MYRIP: variants seen among roughly 807,000 people sequenced by gnomAD.
MYRIP encodes rab effector MyRIP.
In MYRIP, 49 loss-of-function variants were observed where a neutral mutation model predicts 98.0. The ratio of observed to expected loss-of-function variants is 0.50; its 90% confidence interval spans 0.40 to 0.63. The LOEUF (loss-of-function observed/expected upper bound fraction) is 0.63. Among genes scored for constraint, MYRIP ranks in the 30% least tolerant of loss-of-function variants. The pLI is 0.00. For synonymous variants in MYRIP, 404 were observed against 409.5 expected (o/e 0.99, Z 0.16); for missense variants, 1,004 against 1,058.2 (o/e 0.95, Z 0.71).
intron 3 of MYRIP, among the ~76,000 whole-genome samples, chr3:40,082,348 C>T (rs996948000): frequency 2.2e-4 from 34 of 152,306 alleles, no homozygotes; most frequent in African/African-American, 7.7e-4. Context: ...ATCAGCCTGG[C>T]ATTTATGAAC....
At chr3:39,912,348 G>A (rs1001855664) in intron 2 of MYRIP, among the ~76,000 whole-genome samples, 7 of 152,108 alleles carry the variant, frequency 4.6e-5, no homozygotes, top group African/African-American at 7.2e-5. Flanking sequence ...AGAATAATAC[G>A]AAAACAGAAG....
chr3:39,988,547 A>G (rs1272134860), intron 2 of MYRIP, among the ~76,000 whole-genome samples: 1 of 151,934 alleles, frequency 6.6e-6, no homozygotes, highest in African/African-American at 2.4e-5. Flanking sequence ...CTGAATTTGA[A>G]TGTTGCCCTG....
intron 2 of MYRIP, among the ~76,000 whole-genome samples, chr3:39,904,233 CT>C (rs978946813): frequency 5.3e-5 from 8 of 151,914 alleles, no homozygotes. Context: ...AAGTGTTTTT[CT>C]TTGTTTGTTG....
intron 2 of MYRIP, among the ~76,000 whole-genome samples, chr3:39,917,473 TAA>T (rs879437018): frequency 4.7e-5 from 2 of 42,504 alleles, no homozygotes; most frequent in African/African-American, 1.2e-4. Context: ...ATAGGAAAAT[TAA>T]AAAAAAAAAA....
intron 1 of MYRIP, among the ~76,000 whole-genome samples, chr3:39,863,527 A>C (rs1942530725): frequency 6.6e-6 from 1 of 152,106 alleles, no homozygotes; most frequent in Non-Finnish European, 1.5e-5. Flanking sequence ...GGCTACTATG[A>C]ACACTTACTT....
intron 3 of MYRIP, among the ~76,000 whole-genome samples, chr3:40,148,996 C>T (rs992773375): frequency 6.6e-6 from 1 of 152,200 alleles, no homozygotes; most frequent in Non-Finnish European, 1.5e-5. Context: ...CCTTGGTGTA[C>T]GTGTATGATA....
chr3:39,956,424 G>A (rs528272347), intron 2 of MYRIP, among the ~76,000 whole-genome samples: 1 of 152,258 alleles, frequency 6.6e-6, no homozygotes, highest in East Asian at 1.9e-4. Context: ...GCTCCTGAAT[G>A]ACTAATGGGT....
chr3:40,085,748 A>C (rs1948612838), intron 3 of MYRIP, among the ~76,000 whole-genome samples: 1 of 152,204 alleles, frequency 6.6e-6, no homozygotes, highest in Non-Finnish European at 1.5e-5. Context: ...AGAAGAAAGG[A>C]AGGAAGGAAG....
intron 2 of MYRIP, among the ~76,000 whole-genome samples, chr3:39,915,879 T>C (rs1039554891): frequency 2.6e-5 from 4 of 151,932 alleles, no homozygotes; most frequent in Non-Finnish European, 1.5e-5. Flanking sequence ...CTTTTATAAG[T>C]TCCCATTAAA....
chr3:40,248,057 A>G (rs559066608), intron 13 of MYRIP: 2 of 152,352 alleles, frequency 1.3e-5, no homozygotes, highest in South Asian at 4.1e-4. Context: ...GTCTGTTCTC[A>G]CCCAAAGTCT....
intron 3 of MYRIP, among the ~76,000 whole-genome samples, chr3:40,077,721 T>G (rs927439556): frequency 2.0e-5 from 3 of 152,240 alleles, no homozygotes; most frequent in Non-Finnish European, 4.4e-5. Flanking sequence ...AGATACAGAG[T>G]GTGGATTGGT....
chr3:40,237,603 A>C (rs1409077379), intron 12 of MYRIP, among the ~76,000 whole-genome samples: 1 of 152,172 alleles, frequency 6.6e-6, no homozygotes, highest in Non-Finnish European at 1.5e-5. Flanking sequence ...CACTTAGTGA[A>C]TGTTCAGCTG....
At chr3:40,143,366 C>CTTAG (rs1304269100) in intron 3 of MYRIP, among the ~76,000 whole-genome samples, 47 of 152,308 alleles carry the variant, frequency 3.1e-4, no homozygotes, top group Admixed American at 3.0e-3. Flanking sequence ...TGAGCATGGA[C>CTTAG]CAGGGAGCAG....
chr3:40,086,193 C>T (rs190189243), intron 3 of MYRIP, among the ~76,000 whole-genome samples: 5 of 152,282 alleles, frequency 3.3e-5, no homozygotes, highest in African/African-American at 1.2e-4. Context: ...AAAATTCTTA[C>T]AAACTTTTGG....
intron 10 of MYRIP, among the ~76,000 whole-genome samples, chr3:40,201,621 A>G (rs1366728795): frequency 3.3e-5 from 5 of 152,084 alleles, no homozygotes; most frequent in African/African-American, 9.7e-5. Flanking sequence ...GTCCTTCCAC[A>G]TGATGGGTTC....
intron 11 of MYRIP, among the ~76,000 whole-genome samples, chr3:40,231,694 G>A (rs1952664134): frequency 6.6e-6 from 1 of 152,034 alleles, no homozygotes; most frequent in Non-Finnish European, 1.5e-5. Flanking sequence ...TTAATACCTT[G>A]GACCTTTAAT....
Position 40,027,435 on chromosome 3 carries a change from C to G in MYRIP, c.111-16615C>G, listed in dbSNP as rs565188275. The stretch of plus-strand genomic sequence containing the variant: ...GCACTTGTGCTCCTCCTGTCTCCCC[C>G]CAATACTAAGCTCTTTTTCTTTGCT... On this transcript the variant is annotated intron_variant, in intron 2 of 16. Coordinates refer to ENST00000302541, the MANE Select transcript of MYRIP (RefSeq NM_015460.4). Among the ~76,000 whole-genome samples, 43 of 152,166 alleles carry G rather than the reference C, an allele frequency of 2.8e-4. 1 individual carries two copies. In the South Asian group the frequency reaches 7.9e-3, roughly 28 times the overall value.
At chr3:39,861,300 C>A (rs949285495) in intron 1 of MYRIP, among the ~76,000 whole-genome samples, 6 of 152,118 alleles carry the variant, frequency 3.9e-5, no homozygotes, top group Non-Finnish European at 8.8e-5. Flanking sequence ...ATAATCAAAC[C>A]CCCAAGGACA....
At chr3:39,823,180 CA>C (rs934607822) in intron 1 of MYRIP, among the ~76,000 whole-genome samples, 4 of 151,976 alleles carry the variant, frequency 2.6e-5, no homozygotes, top group Admixed American at 2.6e-4. Flanking sequence ...CCACCACGCC[CA>C]GCAAATTTTT....
Sources: allele counts gnomAD v4.1 joint callset (sites outside exome capture counted in the v4.1 genomes callset), GRCh38; gene constraint gnomAD v4.1.1; transcripts MANE v1.5; gene names NCBI Gene and HGNC (gene_info 2026-07-23, HGNC 2026-07-21).